The following GPC3 variants were observed in gnomAD, a reference collection of about 807,000 sequenced individuals.
GPC3 encodes glypican 3, also known as glypican-3.
In GPC3, 3 loss-of-function variants were observed where a neutral mutation model predicts 34.4. The observed-to-expected ratio is 0.09, with a 90% CI of 0.04 to 0.23. GPC3 has a LOEUF of 0.23. Ranked by LOEUF, GPC3 falls within the 10% of genes least tolerant of loss-of-function variation. The pLI is 1.00. For synonymous variants in GPC3, 177 were observed against 174.0 expected (o/e 1.02, Z -0.13); for missense variants, 351 against 445.6 (o/e 0.79, Z 1.91).
At chrX:133,963,036 C>T (rs1259259167) in intron 1 of GPC3, among the ~76,000 whole-genome samples, 1 of 112,018 alleles carries the variant, frequency 8.9e-6, no homozygotes, top group African/African-American at 3.2e-5. Context: ...TTCACTGAGC[C>T]CATTCTCAAC....
intron 2 of GPC3, among the ~76,000 whole-genome samples, chrX:133,788,085 A>AT (rs1176248015): frequency 2.2e-5 from 1 of 45,224 alleles, no homozygotes; most frequent in African/African-American, 1.0e-4. Context: ...ATATCATATT[A>AT]TTTTATATAT....
chrX:133,847,910 G>A (rs919563827), intron 2 of GPC3, among the ~76,000 whole-genome samples: 1 of 112,177 alleles, frequency 8.9e-6, no homozygotes, highest in African/African-American at 3.2e-5. Context: ...ATTTAGAAGA[G>A]ACAAAAGAAC....
chrX:133,639,931 G>T (rs1021548589), intron 6 of GPC3, among the ~76,000 whole-genome samples: 5 of 111,134 alleles, frequency 4.5e-5, no homozygotes, highest in African/African-American at 1.6e-4. Context: ...TCTACTGGGA[G>T]TGCAAATGGA....
intron 2 of GPC3, among the ~76,000 whole-genome samples, chrX:133,832,875 T>C (rs1264622165): frequency 1.8e-5 from 2 of 112,254 alleles, no homozygotes; most frequent in African/African-American, 6.5e-5. Flanking sequence ...TCCTACCACA[T>C]TGCCTTTGCC....
chrX:133,772,622 G>C (rs1331243681), intron 2 of GPC3, among the ~76,000 whole-genome samples: 1 of 111,763 alleles, frequency 8.9e-6, no homozygotes, highest in Non-Finnish European at 1.9e-5. Context: ...GACAATCTGG[G>C]TTGAGTATCA....
chrX:133,674,375 A>T (rs2070861756), intron 5 of GPC3, among the ~76,000 whole-genome samples: 1 of 111,566 alleles, frequency 9.0e-6, no homozygotes, highest in African/African-American at 3.3e-5. Flanking sequence ...TCGGTAAAGT[A>T]TGGGTCAAGG....
intron 2 of GPC3, among the ~76,000 whole-genome samples, chrX:133,761,575 T>C (rs951014693): frequency 8.9e-6 from 1 of 112,025 alleles, no homozygotes; most frequent in Non-Finnish European, 1.9e-5. Context: ...GGCTATTATA[T>C]ATATCATTTG....
chrX:133,862,543 A>G (rs894644918), intron 2 of GPC3, among the ~76,000 whole-genome samples: 1 of 107,017 alleles, frequency 9.3e-6, no homozygotes, highest in Admixed American at 1.0e-4. Context: ...AAAAAAAATC[A>G]GCTGGGCGTG....
chrX:133,717,033 T>C (rs899658048), intron 3 of GPC3, among the ~76,000 whole-genome samples: 2 of 110,573 alleles, frequency 1.8e-5, no homozygotes, highest in Non-Finnish European at 3.8e-5. Context: ...TGATCTCAAC[T>C]CATTGCAACC....
chrX:133,794,017 CAA>C (rs1402890586), intron 2 of GPC3, among the ~76,000 whole-genome samples: 1 of 111,860 alleles, frequency 8.9e-6, no homozygotes, highest in Non-Finnish European at 1.9e-5. Flanking sequence ...TCCATCTGCA[CAA>C]GAGACAACAG....
At chrX:133,753,382 C>T (rs1309969368) in intron 3 of GPC3, 100 bp downstream of exon 3, 2 of 645,887 alleles carry the variant, frequency 3.1e-6, no homozygotes, top group African/African-American at 4.4e-5. Flanking sequence ...CCCTTCCCCA[C>T]CTTCCAATTT....
chrX:133,685,887 C>G (rs887174763), intron 5 of GPC3, among the ~76,000 whole-genome samples: 8 of 109,945 alleles, frequency 7.3e-5, no homozygotes, highest in Non-Finnish European at 1.5e-4. Flanking sequence ...GTCACCACGC[C>G]CAGCTCCAAT....
chrX:133,620,874 C>A (rs891781752), intron 6 of GPC3, among the ~76,000 whole-genome samples: 2 of 111,455 alleles, frequency 1.8e-5, no homozygotes, highest in Non-Finnish European at 3.8e-5. Flanking sequence ...CCTACATTTC[C>A]GGTTTTCCTA....
At chrX:133,676,237 G>A (rs751903780) in intron 5 of GPC3, among the ~76,000 whole-genome samples, 4 of 112,365 alleles carry the variant, frequency 3.6e-5, no homozygotes, top group South Asian at 7.4e-4. Context: ...GAGTAGAACT[G>A]CTCTTTCTAT....
intron 2 of GPC3, among the ~76,000 whole-genome samples, chrX:133,888,162 G>C (rs2076070196): frequency 9.0e-6 from 1 of 110,544 alleles, no homozygotes; most frequent in Non-Finnish European, 1.9e-5. Flanking sequence ...TTATTAGTGA[G>C]AACATGTGGT....
At position 133,538,636 on chromosome X, in the gene GPC3, A is replaced by G. The variant is rs764440305; in HGVS notation, c.1574-2343T>C. Among the ~76,000 whole-genome samples the G allele has an allele frequency of 4.8e-5, 5 of 103,352 alleles. No homozygotes were observed. The East Asian group carries it at 1.5e-3, about 32-fold the overall frequency. The allele number at this position is 103,352 out of a possible 115,157, so 89.7% of individuals were successfully genotyped here. ...TGTCTAATTTTTTTTTTTTTTTGCC[A>G]GTAAAGACCTCTTCTGATTTTGTTT... On this transcript the variant is annotated intron_variant, in intron 7 of 7. Coordinates refer to ENST00000370818, the MANE Select transcript of GPC3 (RefSeq NM_004484.4).
At chrX:133,733,510 A>G (rs2071481705) in intron 3 of GPC3, among the ~76,000 whole-genome samples, 1 of 111,348 alleles carries the variant, frequency 9.0e-6, no homozygotes, top group Non-Finnish European at 1.9e-5. Flanking sequence ...TTAAACATAA[A>G]TCAAGCAGTA....
chrX:133,622,902 C>A (rs768706121), intron 6 of GPC3, among the ~76,000 whole-genome samples: 50 of 111,824 alleles, frequency 4.5e-4, no homozygotes, highest in African/African-American at 1.6e-3. Flanking sequence ...TTAAGGGCAG[C>A]CAGAGAGAAA....
At chrX:133,945,772 G>T (rs1256114807) in intron 2 of GPC3, among the ~76,000 whole-genome samples, 5 of 109,701 alleles carry the variant, frequency 4.6e-5, no homozygotes, top group African/African-American at 1.7e-4. Context: ...AAAAAGAAAA[G>T]AAAAGAAAAG....
Sources: allele counts gnomAD v4.1 joint callset (sites outside exome capture counted in the v4.1 genomes callset), GRCh38; gene constraint gnomAD v4.1.1; transcripts MANE v1.5; gene names NCBI Gene and HGNC (gene_info 2026-07-23, HGNC 2026-07-21).